ITGB2: variants seen among roughly 807,000 people sequenced by gnomAD.
The protein encoded by ITGB2 is integrin beta-2.
Under a neutral mutation model 86.8 loss-of-function variants are expected in ITGB2, and 56 were observed. The observed-to-expected ratio is 0.65, with a 90% CI of 0.52 to 0.81. ITGB2 has a LOEUF of 0.81. Ranked by LOEUF, ITGB2 falls within the 30% of genes least tolerant of loss-of-function variation. The pLI, the probability that ITGB2 is intolerant of heterozygous loss-of-function variation, is 0.00. For synonymous variants in ITGB2, 457 were observed against 450.4 expected, an observed-to-expected ratio of 1.01 and a Z score of -0.19; for missense variants, 948 against 1,061.2, an observed-to-expected ratio of 0.89 and a Z score of 1.48.
At chr21:44,918,148 C>T (rs768928879) in intron 1 of ITGB2, among the ~76,000 whole-genome samples, 3 of 152,366 alleles carry the variant, frequency 2.0e-5, no homozygotes, top group Admixed American at 6.5e-5. Flanking sequence ...GGCTTCCCAG[C>T]GACCTGGCCT....
rs2083736727 is a variant in ITGB2, at chr21:44,888,791, G to A, written c.1982C>T (p.Thr661Ile). The change falls in exon 14 of 16, where the codon ACC (threonine) becomes ATC (isoleucine). Residue 661 changes from threonine (T) to isoleucine (I), a missense_variant. By Grantham distance (89) the Thr-to-Ile change is moderately conservative. Coordinates refer to ENST00000652462, the MANE Select transcript of ITGB2 (RefSeq NM_000211.5). ...GCCCTCTGAGTCCCTCTCCTTGCAG[G>A]TCCTGCCCTTCACGGGGTTGTTCGA... ...QLSNNPVKGR[T>I]CKERDSEGCW... 1 of 1,612,056 alleles carries A rather than the reference G, an allele frequency of 6.2e-7. No homozygotes were observed. Among genetic ancestry groups the A allele is most frequent in the East Asian group, 2.2e-5 (1 of 44,878 alleles).
chr21:44,893,973 C>G (rs1257190421), intron 9 of ITGB2: 1 of 309,646 alleles, frequency 3.2e-6, no homozygotes, highest in Non-Finnish European at 6.5e-6. Flanking sequence ...GAGACAGAGA[C>G]AGACAGAGAT....
In ITGB2 at chr21:44,904,036, C is replaced by T. The variant is rs73376506; in HGVS notation, c.329-501G>A. On this transcript the variant is annotated intron_variant, in intron 4 of 15. Transcript: ENST00000652462. Reference sequence around the variant, plus strand: ...CTCGCCCGCGTCTCAGTCACACGTGCGGTTGTGTAGCTGTCTGTTTACCTG... The same window carrying T: ...CTCGCCCGCGTCTCAGTCACACGTGTGGTTGTGTAGCTGTCTGTTTACCTG... Among the ~76,000 whole-genome samples, 949 of 152,296 alleles carry T rather than the reference C, an allele frequency of 6.2e-3. 12 individuals are homozygous for T. Among genetic ancestry groups the T allele is most frequent in the African/African-American group, 0.021 (891 of 41,546 alleles).
At position 44,900,359 on chromosome 21, in the gene ITGB2, A is replaced by G. The variant is rs1418591638; in HGVS notation, c.858T>C (p.Cys286=). The G allele has an allele frequency of 1.9e-6, 3 of 1,614,070 alleles. No homozygotes were observed. The highest frequency in any genetic ancestry group is 1.7e-5 in the Admixed American group (1 of 60,010). Residue 286 remains cysteine (C), a synonymous_variant, in exon 7 of 16, where the codon TGT becomes TGC. Transcript: ENST00000652462. ...TCTTGTACAAGTTGTCCTCCAGGTG[A>G]CAGCGGCCGTCGTTGGGGGTCAGGA... ...GAILTPNDGR[C]HLEDNLYKRS...
intron 1 of ITGB2, among the ~76,000 whole-genome samples, chr21:44,914,882 CT>C: frequency 6.6e-6 from 1 of 152,068 alleles, no homozygotes; most frequent in East Asian, 1.9e-4. Context: ...GCAGTGAACC[CT>C]AATGGCACTG....
At chr21:44,896,851 A>C (rs1380695309) in intron 8 of ITGB2, among the ~76,000 whole-genome samples, 5 of 152,174 alleles carry the variant, frequency 3.3e-5, no homozygotes, top group Non-Finnish European at 5.9e-5. Flanking sequence ...GGTGCACTCT[A>C]CCTGCCTCCA....
intron 1 of ITGB2, among the ~76,000 whole-genome samples, chr21:44,915,993 G>T (rs983625185): frequency 6.6e-6 from 1 of 152,082 alleles, no homozygotes; most frequent in Admixed American, 6.6e-5. Context: ...CTAGATCTCG[G>T]CTCACTGCAA....
chr21:44,893,490 C>T lies in ITGB2; in HGVS notation c.1138G>A (p.Val380Ile). Residue 380 changes from valine (V) to isoleucine (I), a missense_variant, in exon 10 of 16, where the codon GTC (valine) becomes ATC (isoleucine). Val to Ile is a conservative substitution (Grantham distance 29, BLOSUM62 3). Coordinates refer to ENST00000652462, the MANE Select transcript of ITGB2 (RefSeq NM_000211.5). ...DHNALPDTLK[V>I]TYDSFCSNGV... is the part of the protein sequence containing the mutation. ...TTGCTGCAGAAGGAGTCGTAGGTGACTTTCAGGGTGTCGGGGAGGGCGTTG... is the reference window on the plus strand; with the variant it reads ...TTGCTGCAGAAGGAGTCGTAGGTGATTTTCAGGGTGTCGGGGAGGGCGTTG... The T allele has an allele frequency of 6.2e-7, 1 of 1,614,116 alleles. No homozygotes were observed. Among genetic ancestry groups the T allele is most frequent in the Non-Finnish European group, 8.5e-7 (1 of 1,180,006 alleles).
intron 1 of ITGB2, among the ~76,000 whole-genome samples, chr21:44,917,148 C>G (rs567975496): frequency 2.7e-4 from 41 of 152,142 alleles, no homozygotes; most frequent in Non-Finnish European, 5.6e-4. Flanking sequence ...CAGGAAAGAA[C>G]CAGGGATTTC....
chr21:44,927,589 A>G (rs899547576), intron 1 of ITGB2: 6 of 151,596 alleles, frequency 4.0e-5, no homozygotes, highest in Non-Finnish European at 7.4e-5. Flanking sequence ...GCCCCCACGT[A>G]GGCCTTTTTT....
chr21:44,901,423 C>G, intron 6 of ITGB2, 69 bp downstream of exon 6: 5 of 1,571,610 alleles, frequency 3.2e-6, no homozygotes, highest in Non-Finnish European at 4.3e-6. Context: ...CCCCTGCCCC[C>G]ACACAGCGCC....
rs200196087 is a variant in ITGB2 at position 44,889,514 on chromosome 21, C to T, written c.1658-19G>A. 2.1e-3 allele frequency: 3,210 copies of T among 1,548,124 alleles called. 7 individuals are homozygous for T. The highest frequency in any genetic ancestry group is 2.4e-3 in the Non-Finnish European group (2,798 of 1,145,830). ...CCCCTCCCTGGAAGACGGGGCAGCA[C>T]GGCTAAGCTCCTGCTTGGCCTGGGA... On this transcript the variant is annotated intron_variant, in intron 12 of 15. Coordinates refer to ENST00000652462, the MANE Select transcript of ITGB2 (RefSeq NM_000211.5).
At chr21:44,923,997 G>C (rs2084341389), upstream of ITGB2, among the ~76,000 whole-genome samples, 2 of 152,304 alleles carry the variant, frequency 1.3e-5, no homozygotes, top group South Asian at 4.1e-4. Flanking sequence ...GCCAATGAGA[G>C]TCAGAATCCA....
At chr21:44,922,794 G>C (rs527794148), upstream of ITGB2, 2 of 152,174 alleles carry the variant, frequency 1.3e-5, no homozygotes, top group Non-Finnish European at 2.9e-5. Context: ...CACAGCACCT[G>C]TGAATGGGTT....
chr21:44,907,112 A>G lies in ITGB2; in HGVS notation c.148-17T>C, dbSNP rs1396834028. 1.3e-6 allele frequency: 2 copies of G among 1,566,292 alleles called. No individual in the cohort carries two copies. Among genetic ancestry groups the G allele is most frequent in the East Asian group, 2.2e-5 (1 of 44,462 alleles). On this transcript the variant is annotated splice_polypyrimidine_tract_variant and intron_variant, in intron 3 of 15. Coordinates refer to ENST00000652462, the MANE Select transcript of ITGB2 (RefSeq NM_000211.5). ...TGTGAAGTTCTGGGGAGGGGGAGTCAGGGGTCAGGAGGGGGCCACACTGCG... is the reference window on the plus strand; with the variant it reads ...TGTGAAGTTCTGGGGAGGGGGAGTCGGGGGTCAGGAGGGGGCCACACTGCG...
chr21:44,918,655 C>T lies in ITGB2; in HGVS notation c.-4+2166G>A, dbSNP rs187707325. Among the ~76,000 whole-genome samples, 132 of 152,316 alleles carry T rather than the reference C, an allele frequency of 8.7e-4. 2 individuals are homozygous for T. The highest frequency in any genetic ancestry group is 1.2e-3 in the South Asian group (6 of 4,830). ...TGCAGAACTTCCTTCATGGGCACCT[C>T]GCTGTCTGGGGGCCTCTTCCCCAGG... is the stretch of plus-strand genomic sequence containing the variant. On this transcript the variant is annotated intron_variant, in intron 1 of 15. Transcript: ENST00000652462.
Position 44,893,428 on chromosome 21 carries a change from A to G in ITGB2, c.1200T>C (p.Cys400=), listed in dbSNP as rs200144017. 2.5e-6 allele frequency: 4 copies of G among 1,614,078 alleles called. No homozygotes were observed. The African/African-American group carries it at 5.3e-5, about 22-fold the overall frequency. ...VTHRNQPRGD[C]DGVQINVPIT... The stretch of plus-strand genomic sequence containing the variant: ...CCGGGACATTGATCTGCACGCCATC[A>G]CAGTCACCTCTGGGCTGGTTCCTGT... The change falls in exon 10 of 16, where the codon TGT becomes TGC. Residue 400 remains cysteine, a synonymous_variant. Transcript: ENST00000652462.
chr21:44,910,507 C>T (rs2084114580), intron 2 of ITGB2, 135 bp from the exon 3 acceptor site: 2 of 1,537,404 alleles, frequency 1.3e-6, no homozygotes, highest in South Asian at 1.2e-5. Context: ...CCGCATTCGC[C>T]ACCACCCCCA....
chr21:44,906,969 T>G lies in ITGB2; in HGVS notation c.274A>C (p.Asn92His). 1 of 1,614,164 alleles carries G rather than the reference T, an allele frequency of 6.2e-7. No homozygotes were observed. The highest frequency in any genetic ancestry group is 8.5e-7 in the Non-Finnish European group (1 of 1,180,028). The change falls in exon 4 of 16, where the codon AAT becomes CAT. Residue 92 changes from asparagine to histidine, a missense_variant. Asn to His is a moderately conservative substitution (Grantham distance 68, BLOSUM62 1). Transcript: ENST00000652462. ...GGGGACAGCTGCTTCTGGCCCCCAT[T>G]GTGGTCTTCCTGGGTTTCAGCGAGG... is the stretch of plus-strand genomic sequence containing the variant. ...TSLAETQEDH[N>H]GGQKQLSPQK...
Sources: gnomAD v4.1 joint callset for allele counts (sites outside exome capture counted in the v4.1 genomes callset) on GRCh38, gnomAD v4.1.1 for gene constraint, MANE v1.5 for transcripts, NCBI Gene and HGNC (gene_info 2026-07-23, HGNC 2026-07-21) for gene names.